Variants in LCORL observed in about 807,000 individuals in gnomAD.
LCORL encodes the protein ligand-dependent nuclear receptor corepressor-like protein.
A neutral mutation model predicts 141.8 loss-of-function variants in LCORL; 41 were observed. The observed-to-expected ratio is 0.29, with a 90% confidence interval of 0.23 to 0.38. The LOEUF is 0.38. Ranked by LOEUF, LCORL falls within the 10% of genes least tolerant of loss-of-function variation. LCORL has a pLI of 1.00. For synonymous variants in LCORL, 618 were observed against 694.1 expected (o/e 0.89, Z 1.72); for missense variants, 1,759 against 2,035.0 (o/e 0.86, Z 2.61).
chr4:18,011,000 A>G (rs572896304), intron 1 of LCORL, among the ~76,000 whole-genome samples: 1 of 152,176 alleles, frequency 6.6e-6, no homozygotes, highest in African/African-American at 2.4e-5. Flanking sequence ...GGATTTGAGG[A>G]AGAGCTCAGT....
intron 4 of LCORL, among the ~76,000 whole-genome samples, chr4:17,920,445 G>A (rs890580537): frequency 6.6e-6 from 1 of 152,148 alleles, no homozygotes; most frequent in African/African-American, 2.4e-5. Flanking sequence ...CTGGTGGAGG[G>A]CTTTGCCTCA....
intron 6 of LCORL, chr4:17,880,843 TAATA>T (rs1359274649): frequency 7.0e-6 from 6 of 855,444 alleles, no homozygotes; most frequent in African/African-American, 1.8e-5. Context: ...GAAAATATTG[TAATA>T]AATAATTCAT....
At chr4:18,017,267 T>C (rs894145451) in intron 1 of LCORL, among the ~76,000 whole-genome samples, 7 of 152,124 alleles carry the variant, frequency 4.6e-5, no homozygotes, top group South Asian at 2.1e-4. Flanking sequence ...CTAATAATTA[T>C]AGAAGGAATG....
At chr4:17,951,799 G>A (rs187822196) in intron 4 of LCORL, among the ~76,000 whole-genome samples, 23 of 152,308 alleles carry the variant, frequency 1.5e-4, no homozygotes, top group Non-Finnish European at 2.5e-4. Context: ...CATGTAGTAG[G>A]AGCTTAGTAA....
At chr4:18,018,700 CATT>C (rs1725017653) in intron 1 of LCORL, among the ~76,000 whole-genome samples, 1 of 152,142 alleles carries the variant, frequency 6.6e-6, no homozygotes, top group Non-Finnish European at 1.5e-5. Context: ...TTCAAAATCT[CATT>C]AGGGGCTCAA....
intron 4 of LCORL, among the ~76,000 whole-genome samples, chr4:17,933,072 T>C (rs979557035): frequency 2.2e-4 from 33 of 152,156 alleles, no homozygotes; most frequent in Admixed American, 2.2e-3. Flanking sequence ...CTTTGTGACT[T>C]AGTATTTTTG....
In LCORL at chr4:17,984,848, C is replaced by T. The variant is rs114117363; in HGVS notation, c.155-11963G>A. 4.8e-3 allele frequency among the ~76,000 whole-genome samples: 726 copies of T among 151,994 alleles called. 1 individual carries two copies. The highest frequency in any genetic ancestry group is 7.0e-3 in the Non-Finnish European group (476 of 67,894). ...GCTTCTCTAGTTCTTTTACTTGTGA[C>T]GTTAGGCTGTTAATTTGAGATCTAA... is the stretch of plus-strand genomic sequence containing the variant. On this transcript the variant is annotated intron_variant, in intron 1 of 7. Coordinates refer to ENST00000635767, the Ensembl canonical transcript of LCORL.
intron 1 of LCORL, among the ~76,000 whole-genome samples, chr4:18,006,271 C>T (rs1297118107): frequency 6.6e-6 from 1 of 152,070 alleles, no homozygotes; most frequent in Non-Finnish European, 1.5e-5. Flanking sequence ...CATCTGATAC[C>T]ACCTCAGCTT....
At chr4:18,000,675 T>C (rs1342141756) in intron 1 of LCORL, among the ~76,000 whole-genome samples, 3 of 152,198 alleles carry the variant, frequency 2.0e-5, no homozygotes, top group Non-Finnish European at 2.9e-5. Flanking sequence ...AAATATATAC[T>C]ACATAATCCC....
chr4:17,889,575 A>G (rs1728789666), intron 5 of LCORL, among the ~76,000 whole-genome samples: 1 of 152,054 alleles, frequency 6.6e-6, no homozygotes, highest in African/African-American at 2.4e-5. Flanking sequence ...AGTATTAACC[A>G]TCTATACTAT....
chr4:17,879,436 A>G (rs929012690), intron 6 of LCORL, among the ~76,000 whole-genome samples: 1 of 151,152 alleles, frequency 6.6e-6, no homozygotes, highest in Non-Finnish European at 1.5e-5. Flanking sequence ...GTGATCTGAC[A>G]TAAAGAAGCT....
intron 4 of LCORL, among the ~76,000 whole-genome samples, chr4:17,960,738 G>A (rs1205177947): frequency 1.3e-5 from 2 of 152,012 alleles, no homozygotes; most frequent in East Asian, 1.9e-4. Flanking sequence ...CTATAGGTAC[G>A]TGCCACTGTA....
chr4:17,973,009 C>A, intron 1 of LCORL, 124 bp from the exon 2 acceptor site: 1 of 399,864 alleles, frequency 2.5e-6, no homozygotes, highest in South Asian at 7.9e-5. Context: ...TTTCCTCTAG[C>A]TGCATTAAAC....
chr4:17,976,570 AACTT>A (rs755481862), intron 1 of LCORL, among the ~76,000 whole-genome samples: 2 of 152,198 alleles, frequency 1.3e-5, no homozygotes, highest in African/African-American at 2.4e-5. Context: ...CATTATATAT[AACTT>A]ACTTAAAAAC....
At chr4:18,004,622 A>G (rs1653227416) in intron 1 of LCORL, among the ~76,000 whole-genome samples, 1 of 152,090 alleles carries the variant, frequency 6.6e-6, no homozygotes, top group Non-Finnish European at 1.5e-5. Context: ...CAGCCAAACC[A>G]TATCATTCCA....
intron 4 of LCORL, among the ~76,000 whole-genome samples, chr4:17,945,243 G>C (rs961592171): frequency 6.6e-6 from 1 of 151,942 alleles, no homozygotes; most frequent in African/African-American, 2.4e-5. Context: ...ATGTTTTACA[G>C]AGTACTATTA....
intron 1 of LCORL, among the ~76,000 whole-genome samples, chr4:18,010,398 CTG>C (rs746629992): frequency 1.1e-4 from 17 of 150,140 alleles, no homozygotes; most frequent in African/African-American, 2.9e-4. Flanking sequence ...GTGTGTGTGT[CTG>C]TGTGTGTGTG....
intron 6 of LCORL, chr4:17,883,921 C>T: frequency 1.3e-6 from 2 of 1,550,730 alleles, no homozygotes; most frequent in Non-Finnish European, 1.7e-6. Flanking sequence ...CGCTCATTAC[C>T]ATTGCAATAG....
intron 4 of LCORL, among the ~76,000 whole-genome samples, chr4:17,930,143 T>C (rs1242398777): frequency 6.6e-6 from 1 of 152,234 alleles, no homozygotes; most frequent in African/African-American, 2.4e-5. Context: ...GGAACCCTCA[T>C]ACAATGTTGG....
Sources: allele counts gnomAD v4.1 joint callset (sites outside exome capture counted in the v4.1 genomes callset), GRCh38; gene constraint gnomAD v4.1.1; transcripts MANE v1.5; gene names NCBI Gene and HGNC (gene_info 2026-07-23, HGNC 2026-07-21).